TRIM37: variants seen among roughly 807,000 people sequenced by gnomAD.
TRIM37 encodes the protein tripartite motif containing 37, also known as E3 ubiquitin-protein ligase TRIM37.
Under a neutral mutation model 129.8 loss-of-function variants are expected in TRIM37, and 80 were observed. The ratio of observed to expected loss-of-function variants is 0.62; its 90% CI spans 0.51 to 0.74. The LOEUF is 0.74. Among genes scored for constraint, TRIM37 ranks in the 30% least tolerant of loss-of-function variants. The probability of loss-of-function intolerance (pLI) is 0.00; values close to 1 mark genes in which losing one functional copy is unlikely to be tolerated. For synonymous variants in TRIM37, 389 were observed against 387.1 expected (o/e 1.00, Z -0.06); for missense variants, 1,054 against 1,176.5 (o/e 0.90, Z 1.52).
At chr17:59,019,270 T>G (rs1288303581) in intron 19 of TRIM37, among the ~76,000 whole-genome samples, 1 of 152,078 alleles carries the variant, frequency 6.6e-6, no homozygotes, top group Non-Finnish European at 1.5e-5. Context: ...AACTAATGAG[T>G]GGATAAACAG....
At chr17:59,023,999 A>G (rs2036926690) in intron 19 of TRIM37, among the ~76,000 whole-genome samples, 1 of 152,048 alleles carries the variant, frequency 6.6e-6, no homozygotes, top group African/African-American at 2.4e-5. Context: ...GGATCACCTG[A>G]GGTCAGGAGT....
chr17:59,071,707 C>T (rs1170029032), intron 8 of TRIM37, among the ~76,000 whole-genome samples: 1 of 151,510 alleles, frequency 6.6e-6, no homozygotes, highest in Non-Finnish European at 1.5e-5. Context: ...ATTTGGGAAA[C>T]ACTATTTTGG....
chr17:59,070,971 GAACA>G, intron 8 of TRIM37, 24 bp from the exon 9 acceptor site: 2 of 1,611,650 alleles, frequency 1.2e-6, no homozygotes, highest in Non-Finnish European at 8.5e-7. Context: ...AAAATTATCT[GAACA>G]AACAAAATTA....
the TRIM37 span, among the ~76,000 whole-genome samples, chr17:58,971,030 G>A: frequency 6.6e-6 from 1 of 151,968 alleles, no homozygotes; most frequent in African/African-American, 2.4e-5. Flanking sequence ...TGACCCTGGT[G>A]TCTCTCAGTT....
chr17:59,070,346 T>G (rs1256749585), intron 9 of TRIM37, among the ~76,000 whole-genome samples: 2 of 152,268 alleles, frequency 1.3e-5, no homozygotes, highest in Non-Finnish European at 2.9e-5. Context: ...AGTTTCTGAG[T>G]TTTGTGTTAG....
intron 20 of TRIM37, 72 bp downstream of exon 20, chr17:59,017,224 C>T: frequency 6.3e-7 from 1 of 1,576,836 alleles, no homozygotes; most frequent in East Asian, 2.2e-5. Flanking sequence ...ATCTAAAGCT[C>T]CACGATAACA....
chr17:58,971,477 C>T, the TRIM37 span, among the ~76,000 whole-genome samples: 9 of 152,190 alleles, frequency 5.9e-5, no homozygotes, highest in Non-Finnish European at 1.0e-4. Flanking sequence ...GTCGTAGCTA[C>T]TGCAGTGAAA....
At chr17:59,026,767 A>G (rs1341189185) in intron 19 of TRIM37, among the ~76,000 whole-genome samples, 1 of 152,194 alleles carries the variant, frequency 6.6e-6, no homozygotes, top group Non-Finnish European at 1.5e-5. Context: ...CTCTTCTGCT[A>G]CACTACTCCA....
chr17:59,091,747 C>T (rs572181219), intron 2 of TRIM37, among the ~76,000 whole-genome samples: 1 of 147,500 alleles, frequency 6.8e-6, no homozygotes, highest in Admixed American at 6.9e-5. Context: ...TACTGTTTCC[C>T]TCACTGTCAT....
intron 19 of TRIM37, among the ~76,000 whole-genome samples, chr17:59,022,979 C>A (rs1259990728): frequency 6.6e-6 from 1 of 151,976 alleles, no homozygotes; most frequent in African/African-American, 2.4e-5. Flanking sequence ...ACTTAATATT[C>A]GAATTTTTTT....
chr17:58,979,876 A>T (rs2031261617), downstream of TRIM37: 1 of 937,574 alleles, frequency 1.1e-6, no homozygotes, highest in Non-Finnish European at 1.6e-6. Context: ...TTCACAATCC[A>T]GTAAGCTGTG....
chr17:59,106,441 C>T lies in TRIM37; in HGVS notation c.21G>A (p.Glu7=). ...ACCACCACCCTCACAACCCCCTCAC[C>T]TCCACGCTCTGTTCATCCATTGCCT... is the stretch of plus-strand genomic sequence containing the variant. MDEQSV[E]SIAEVFRCFI... is the part of the protein sequence containing the mutation. Residue 7 remains glutamate, a splice_region_variant and synonymous_variant, in exon 1 of 24, where the codon GAG becomes GAA. Coordinates refer to ENST00000262294, the MANE Select transcript of TRIM37 (RefSeq NM_015294.6). The T allele has an allele frequency of 6.2e-7, 1 of 1,614,150 alleles. No individual in the cohort carries two copies. The highest frequency in any genetic ancestry group is 8.5e-7 in the Non-Finnish European group (1 of 1,179,994).
intron 2 of TRIM37, among the ~76,000 whole-genome samples, chr17:59,099,000 T>C (rs1007231505): frequency 6.6e-6 from 1 of 152,050 alleles, no homozygotes; most frequent in Non-Finnish European, 1.5e-5. Context: ...CTGGCCAACA[T>C]GGTGAAACCC....
chr17:58,989,265 G>A (rs1438848437), intron 24 of TRIM37, among the ~76,000 whole-genome samples: 6 of 151,860 alleles, frequency 4.0e-5, no homozygotes, highest in South Asian at 4.1e-4. Flanking sequence ...GCGAAACCCC[G>A]TCTCTACTAA....
At chr17:59,024,177 G>A (rs66480139) in intron 19 of TRIM37, among the ~76,000 whole-genome samples, 35,080 of 137,698 alleles carry the variant, frequency 0.25, 4,503 homozygotes, top group African/African-American at 0.35. Flanking sequence ...TCGCCCCATC[G>A]CACTCCAGGC....
chr17:58,997,686 G>A (rs747326861), downstream of TRIM37, among the ~76,000 whole-genome samples: 7 of 152,094 alleles, frequency 4.6e-5, no homozygotes, highest in Non-Finnish European at 5.9e-5. Flanking sequence ...CAAGGTAACA[G>A]CAGACTGTTC....
downstream of TRIM37, chr17:58,982,233 T>TTTAG (rs1470290814): frequency 1.3e-5 from 2 of 152,632 alleles, no homozygotes; most frequent in Non-Finnish European, 1.5e-5. Context: ...CATTTCAATA[T>TTTAG]TTAGTTATAT....
At chr17:59,022,718 TGTTGTTACTAAAC>T (rs542793688) in intron 19 of TRIM37, among the ~76,000 whole-genome samples, 73 of 152,348 alleles carry the variant, frequency 4.8e-4, no homozygotes, top group African/African-American at 1.7e-3. Flanking sequence ...TTATTGGTAT[TGTTGTTACTAAAC>T]AGGTTTAGTA....
chr17:59,058,787 C>A (rs1461501190), intron 12 of TRIM37, among the ~76,000 whole-genome samples: 1 of 151,966 alleles, frequency 6.6e-6, no homozygotes, highest in African/African-American at 2.4e-5. Context: ...TCACCTGGGC[C>A]CAGGAGGTTG....
Sources: gnomAD v4.1 joint callset for allele counts (sites outside exome capture counted in the v4.1 genomes callset) on GRCh38, gnomAD v4.1.1 for gene constraint, MANE v1.5 for transcripts, NCBI Gene and HGNC (gene_info 2026-07-23, HGNC 2026-07-21) for gene names.